The following PADI2 variants were observed in gnomAD, a reference collection of about 807,000 sequenced individuals.
PADI2 encodes peptidyl arginine deiminase 2.
Under a neutral mutation model 81.1 loss-of-function variants are expected in PADI2, and 70 were observed. The observed-to-expected ratio is 0.86, with a 90% confidence interval of 0.71 to 1.05. PADI2 has a LOEUF of 1.05. Ranked by LOEUF, PADI2 falls within the 50% of genes least tolerant of loss-of-function variation. The pLI is 0.00. For synonymous variants in PADI2, 338 were observed against 358.0 expected (o/e 0.94, Z 0.63); for missense variants, 853 against 889.9 (o/e 0.96, Z 0.53).
At chr1:17,079,653 TGA>T (rs2078329806) in intron 10 of PADI2, among the ~76,000 whole-genome samples, 1 of 151,696 alleles carries the variant, frequency 6.6e-6, no homozygotes, top group Non-Finnish European at 1.5e-5. Flanking sequence ...AGAGTGAGTG[TGA>T]GAGTGAGTGT....
At chr1:17,092,651 T>C in intron 5 of PADI2, 118 bp from the exon 6 acceptor site, 2 of 920,996 alleles carry the variant, frequency 2.2e-6, no homozygotes, top group South Asian at 4.3e-5. Flanking sequence ...ATGGAAACTA[T>C]AGAAAAGCAT....
At chr1:17,108,088 A>G (rs1455403312) in intron 1 of PADI2, among the ~76,000 whole-genome samples, 1 of 151,648 alleles carries the variant, frequency 6.6e-6, no homozygotes, top group East Asian at 1.9e-4. Flanking sequence ...AGCTGGGATT[A>G]CAGGTGCCCG....
chr1:17,071,486 C>G lies in PADI2; in HGVS notation c.1555G>C (p.Gly519Arg). The change falls in exon 14 of 16, where the codon GGT (glycine) becomes CGT (arginine). Residue 519 changes from glycine to arginine, a missense_variant. Coordinates refer to ENST00000375486, the MANE Select transcript of PADI2 (RefSeq NM_007365.3). ...HGEAIMFKGL[G>R]GMSSKRITIN... ...GTGATTCGCTTGCTGCTCATCCCAC[C>G]CAAGCCTGTGGGGTTCAAAGGACAG... 4 of 1,613,338 alleles carry G rather than the reference C, an allele frequency of 2.5e-6. No individual in the cohort carries two copies. The highest frequency in any genetic ancestry group is 3.4e-6 in the Non-Finnish European group (4 of 1,179,280).
At chr1:17,079,500 A>G (rs1463061683) in intron 10 of PADI2, 85 bp from the exon 11 acceptor site, 3 of 1,192,704 alleles carry the variant, frequency 2.5e-6, no homozygotes, top group Non-Finnish European at 3.6e-6. Flanking sequence ...TATCACCTTC[A>G]GTCTGGGTCT....
At chr1:17,095,534 G>T (rs564647027) in intron 4 of PADI2, among the ~76,000 whole-genome samples, 1 of 152,316 alleles carries the variant, frequency 6.6e-6, no homozygotes, top group East Asian at 1.9e-4. Context: ...AACTGAGAAT[G>T]ATGAATGCGA....
chr1:17,105,099 G>A (rs199717511), intron 1 of PADI2, 38 bp from the exon 2 acceptor site: 3 of 1,422,152 alleles, frequency 2.1e-6, no homozygotes, highest in East Asian at 5.1e-5. Flanking sequence ...GGAGAGCCCT[G>A]GGGTAGGTGG....
chr1:17,078,348 T>C (rs936239654), intron 11 of PADI2, among the ~76,000 whole-genome samples: 24 of 152,116 alleles, frequency 1.6e-4, no homozygotes, highest in Admixed American at 3.3e-4. Flanking sequence ...CGACCTCAGG[T>C]GATCCACCCG....
Position 17,074,840 on chromosome 1 carries a change from C to A in PADI2, c.1549+16G>T, listed in dbSNP as rs1207183476. 1 of 1,559,020 alleles carries A rather than the reference C, an allele frequency of 6.4e-7. No homozygotes were observed. Among genetic ancestry groups the A allele is most frequent in the Admixed American group, 1.7e-5 (1 of 59,502 alleles). On this transcript the variant is annotated intron_variant, in intron 13 of 15. Transcript: ENST00000375486. Reference sequence around the variant, plus strand: ...TCCAGCTCGCCACTTCCTGTCAAGGCCCTGTGGCCACTCACCTTTGAACAT... The same window carrying A: ...TCCAGCTCGCCACTTCCTGTCAAGGACCTGTGGCCACTCACCTTTGAACAT...
At chr1:17,071,163 G>A (rs2078261906) in intron 14 of PADI2, among the ~76,000 whole-genome samples, 1 of 152,096 alleles carries the variant, frequency 6.6e-6, no homozygotes, top group Admixed American at 6.5e-5. Flanking sequence ...GTTGCCCATG[G>A]TCCTACCTCC....
chr1:17,097,911 G>A (rs1158285546), intron 3 of PADI2, among the ~76,000 whole-genome samples: 2 of 152,142 alleles, frequency 1.3e-5, no homozygotes, highest in Non-Finnish European at 2.9e-5. Context: ...CGCAGGTCCA[G>A]CCTCTTTAGG....
chr1:17,079,765 A>G (rs1463469069), intron 10 of PADI2, among the ~76,000 whole-genome samples: 1 of 149,058 alleles, frequency 6.7e-6, no homozygotes, highest in Non-Finnish European at 1.5e-5. Context: ...TCCGCATTTT[A>G]TGCTATGCAC....
chr1:17,102,034 C>T (rs903401522), intron 3 of PADI2, among the ~76,000 whole-genome samples: 8 of 152,144 alleles, frequency 5.3e-5, no homozygotes, highest in Non-Finnish European at 1.2e-4. Context: ...GTGCCCAGTG[C>T]AGCTCTAGAC....
chr1:17,071,307 A>T lies in PADI2; in HGVS notation c.1635+99T>A. The stretch of plus-strand genomic sequence containing the variant: ...CTGTGCTCGGGGTCAGGAGCTCCTG[A>T]GCCCTTGGCCATTCTCTACGGAAGC... On this transcript the variant is annotated intron_variant, in intron 14 of 15. Transcript: ENST00000375486. The T allele has an allele frequency of 6.0e-6, 5 of 832,646 alleles. No homozygotes were observed. The South Asian group carries it at 7.2e-5, about 12-fold the overall frequency. The allele number at this position is 832,646 out of a possible 1,614,324, so 51.6% of individuals were successfully genotyped here.
chr1:17,098,316 C>T (rs988453285), intron 3 of PADI2, among the ~76,000 whole-genome samples: 2 of 152,200 alleles, frequency 1.3e-5, no homozygotes, highest in African/African-American at 2.4e-5. Context: ...CGTCTCTAGG[C>T]CGTAAGGTGA....
chr1:17,078,869 T>C (rs774152299), intron 11 of PADI2, among the ~76,000 whole-genome samples: 4 of 152,110 alleles, frequency 2.6e-5, no homozygotes, highest in Non-Finnish European at 4.4e-5. Context: ...CTAATTTTTG[T>C]ATTTTTTGTA....
At chr1:17,097,889 C>T (rs1488819572) in intron 3 of PADI2, among the ~76,000 whole-genome samples, 3 of 152,136 alleles carry the variant, frequency 2.0e-5, no homozygotes, top group Non-Finnish European at 4.4e-5. Flanking sequence ...AAACTCCTCC[C>T]TCGGAAGGAG....
At chr1:17,074,610 C>T (rs186571236) in intron 13 of PADI2, among the ~76,000 whole-genome samples, 16 of 152,270 alleles carry the variant, frequency 1.1e-4, no homozygotes, top group South Asian at 4.2e-4. Context: ...CTTGAAGATG[C>T]GCTATGCACT....
Position 17,095,976 on chromosome 1 carries a change from G to T in PADI2, c.350-6C>A, listed in dbSNP as rs201810710. The T allele has an allele frequency of 8.7e-6, 14 of 1,601,580 alleles. No homozygotes were observed. In the African/African-American group the frequency reaches 9.3e-5, roughly 11 times the overall value. On this transcript the variant is annotated splice_polypyrimidine_tract_variant and splice_region_variant and intron_variant, in intron 3 of 15. Coordinates refer to ENST00000375486, the MANE Select transcript of PADI2 (RefSeq NM_007365.3). ...GTCCACATCCAGGGAGATCTCTGGGGAGAAGAGACATGGGTGAGTTGCTGA... is the reference window on the plus strand; with the variant it reads ...GTCCACATCCAGGGAGATCTCTGGGTAGAAGAGACATGGGTGAGTTGCTGA...
chr1:17,102,906 C>A (rs1377752992), intron 3 of PADI2, 81 bp downstream of exon 3: 3 of 1,043,192 alleles, frequency 2.9e-6, no homozygotes, highest in South Asian at 1.3e-5. Context: ...GCACTGAGAA[C>A]CGCCTAAGTG....
Sources: gnomAD v4.1 joint callset for allele counts (sites outside exome capture counted in the v4.1 genomes callset) on GRCh38, gnomAD v4.1.1 for gene constraint, MANE v1.5 for transcripts, NCBI Gene and HGNC (gene_info 2026-07-23, HGNC 2026-07-21) for gene names.